The following CSNK1E variants were observed in gnomAD, a reference collection of about 807,000 sequenced individuals.
CSNK1E encodes casein kinase I isoform epsilon.
In CSNK1E, 17 loss-of-function variants were observed where a neutral mutation model predicts 46.1. That is an observed-to-expected ratio of 0.37 (90% confidence interval 0.25 to 0.55). The LOEUF (loss-of-function observed/expected upper bound fraction) is 0.55, where lower values mean the gene tolerates loss of function less well. Among genes scored for constraint, CSNK1E ranks in the 20% least tolerant of loss-of-function variants. The pLI is 0.82. For synonymous variants in CSNK1E, 241 were observed against 242.6 expected (o/e 0.99, Z 0.06); for missense variants, 386 against 595.4 (o/e 0.65, Z 3.66).
chr22:38,316,645 G>A (rs1052796686), intron 1 of CSNK1E: 1 of 152,178 alleles, frequency 6.6e-6, no homozygotes, highest in Non-Finnish European at 1.5e-5. Context: ...CAGTGGCCTG[G>A]TGACCACACA....
At chr22:38,307,050 G>A (rs1350699125) in intron 2 of CSNK1E, among the ~76,000 whole-genome samples, 1 of 151,436 alleles carries the variant, frequency 6.6e-6, no homozygotes, top group African/African-American at 2.4e-5. Context: ...ACGTGCCTGT[G>A]GTCCCAGCTA....
chr22:38,306,233 G>A (rs143218560), intron 2 of CSNK1E, among the ~76,000 whole-genome samples: 221 of 152,254 alleles, frequency 1.5e-3, no homozygotes, highest in African/African-American at 5.2e-3. Flanking sequence ...AAGAAACACT[G>A]AACAGAAACA....
At chr22:38,315,919 CCT>C (rs1337334821) in intron 1 of CSNK1E, among the ~76,000 whole-genome samples, 1 of 152,142 alleles carries the variant, frequency 6.6e-6, no homozygotes, top group African/African-American at 2.4e-5. Context: ...TTCAGGACCC[CCT>C]GACTGCTATG....
chr22:38,300,746 G>A lies in CSNK1E; in HGVS notation c.543C>T (p.Ser181=), dbSNP rs1030728465. 3.7e-6 allele frequency: 6 copies of A among 1,614,120 alleles called. No homozygotes were observed. In the Middle Eastern group the frequency reaches 6.6e-4, roughly 177 times the overall value. The change falls in exon 5 of 11, where the codon TCC becomes TCT. Residue 181 remains serine, a synonymous_variant. Coordinates refer to ENST00000396832, the MANE Select transcript of CSNK1E (RefSeq NM_152221.3). The surrounding 1 kb of genome is among the most constrained non-coding windows in gnomAD (Gnocchi z 4.4). ...CACCAATGCCCAGGTGCGTGTTGAT[G>A]GAAGCGTAGCGGGCCGTGCCGGTCA... ...KNLTGTARYA[S]INTHLGIEQS...
chr22:38,295,212 A>AATGGGGCC (rs2092633841), intron 7 of CSNK1E, among the ~76,000 whole-genome samples: 1 of 152,158 alleles, frequency 6.6e-6, no homozygotes, highest in South Asian at 2.1e-4. Flanking sequence ...TGGAGAAGAA[A>AATGGGGCC]ATGGGGCCAC....
Position 38,299,846 on chromosome 22 carries a change from C to T in CSNK1E, c.736+49G>A, listed in dbSNP as rs752963822. ...TGTATGGCCTCACCTTTCCCTTAGA[C>T]AGTGCCTCAGGGGCCCCCAGGCATG... is the stretch of plus-strand genomic sequence containing the variant. On this transcript the variant is annotated intron_variant, in intron 6 of 10. Transcript: ENST00000396832. 8 of 1,594,868 alleles carry T rather than the reference C, an allele frequency of 5.0e-6. No individual in the cohort carries two copies. In the African/African-American group the frequency reaches 9.4e-5, roughly 19 times the overall value.
In CSNK1E at chr22:38,317,153, T is replaced by G. The variant is rs2092751368; in HGVS notation, c.-13+7A>C. ...CTTCCGCGGGCCCGCGGCCCCCCGA[T>G]ATTTACCCCGCCGGGAAGGCGCCGA... is the stretch of plus-strand genomic sequence containing the variant. On this transcript the variant is annotated splice_region_variant and intron_variant, in intron 1 of 10. Transcript: ENST00000396832. The G allele has an allele frequency of 6.7e-6, 1 of 149,196 alleles. No homozygotes were observed. The highest frequency in any genetic ancestry group is 1.5e-5 in the Non-Finnish European group (1 of 66,926). 9.2% of individuals were successfully genotyped at this position (149,196 alleles called of 1,614,324 possible).
At position 38,294,091 on chromosome 22, in the gene CSNK1E, G is replaced by A; in HGVS notation, c.1218+18C>T. The A allele has an allele frequency of 1.9e-6, 3 of 1,605,904 alleles. No individual in the cohort carries two copies. Among genetic ancestry groups the A allele is most frequent in the Non-Finnish European group, 2.5e-6 (3 of 1,178,690 alleles). ...CTCAGTTCTGAGGCCCAGAGGGACT[G>A]GCAGGGGGGCAGCTCACCTGTGAGG... On this transcript the variant is annotated intron_variant, in intron 9 of 10. Transcript: ENST00000396832. This position sits in a 1 kb window ranked among gnomAD's most constrained non-coding sequence, Gnocchi z 5.5.
At chr22:38,316,673 C>G (rs2092747602) in intron 1 of CSNK1E, 1 of 152,220 alleles carries the variant, frequency 6.6e-6, no homozygotes, top group Admixed American at 6.5e-5. Flanking sequence ...ACCTTAGGAC[C>G]CCCAAACGCC....
At chr22:38,315,945 G>C (rs1181605623) in intron 1 of CSNK1E, among the ~76,000 whole-genome samples, 1 of 152,028 alleles carries the variant, frequency 6.6e-6, no homozygotes, top group African/African-American at 2.4e-5. Context: ...CAGCCACCCA[G>C]ACCCCCAGTC....
chr22:38,298,514 C>T lies in CSNK1E; in HGVS notation c.885+272G>A, dbSNP rs1275285573. Reference sequence around the variant, plus strand: ...CGCCAGCACCACCCATGCCCTGCTGCGGGCACCCAGGAGGGACCCCAGGTG... The same window carrying T: ...CGCCAGCACCACCCATGCCCTGCTGTGGGCACCCAGGAGGGACCCCAGGTG... On this transcript the variant is annotated intron_variant, in intron 7 of 10. Transcript: ENST00000396832. The surrounding 1 kb of genome is among the most constrained non-coding windows in gnomAD (Gnocchi z 4.2). 6.6e-6 allele frequency: 3 copies of T among 456,134 alleles called. No individual in the cohort carries two copies. Among genetic ancestry groups the T allele is most frequent in the South Asian group, 2.1e-5 (1 of 48,102 alleles). 28.3% of individuals were successfully genotyped at this position (456,134 alleles called of 1,614,324 possible). A position where few individuals can be genotyped will look rare whatever the true frequency, so the allele number is the denominator to read the frequency against.
intron 6 of CSNK1E, 126 bp from the exon 7 acceptor site, chr22:38,299,060 G>A: frequency 1.9e-6 from 2 of 1,075,038 alleles, no homozygotes; most frequent in Admixed American, 2.1e-5. Flanking sequence ...GGCAAGAAAA[G>A]GAGGCAACAG....
chr22:38,309,698 GCCCGCCTTGGTCTC>G lies in CSNK1E; in HGVS notation c.76+4370_76+4383del. Among the ~76,000 whole-genome samples the G allele has an allele frequency of 6.6e-6, 1 of 152,236 alleles. No individual in the cohort carries two copies. The highest frequency in any genetic ancestry group is 6.5e-5 in the Admixed American group (1 of 15,284). The stretch of plus-strand genomic sequence containing the variant: ...TCAAACTCCTGACCTCAAATGATCT[GCCCGCCTTGGTCTC>G]CCAAGTGCTGGGATTACAGGCGTGA... On this transcript the variant is annotated intron_variant, in intron 2 of 10. Transcript: ENST00000396832. This position sits in a 1 kb window ranked among gnomAD's most constrained non-coding sequence, Gnocchi z 4.8.
At position 38,298,595 on chromosome 22, in the gene CSNK1E, C is replaced by A; in HGVS notation, c.885+191G>T. ...CAGCGCCCTGCCTGGGCCCTGCTGC[C>A]CATGGTGGCACAAGCTGTCAGCACG... On this transcript the variant is annotated intron_variant, in intron 7 of 10. Transcript: ENST00000396832. The surrounding 1 kb of genome is among the most constrained non-coding windows in gnomAD (Gnocchi z 4.2). The A allele has an allele frequency of 3.1e-6, 2 of 651,384 alleles. No individual in the cohort carries two copies. The highest frequency in any genetic ancestry group is 5.6e-5 in the East Asian group (2 of 35,998). 40.4% of individuals were successfully genotyped at this position (651,384 alleles called of 1,614,324 possible). A position where few individuals can be genotyped will look rare whatever the true frequency, so the allele number is the denominator to read the frequency against.
At position 38,291,109 on chromosome 22, in the gene CSNK1E, G is replaced by A. The variant is rs2092606893; in HGVS notation, c.*862C>T. 6.6e-6 allele frequency: 1 copy of A among 152,212 alleles called. No homozygotes were observed. Among genetic ancestry groups the A allele is most frequent in the Admixed American group, 6.5e-5 (1 of 15,284 alleles). 9.4% of individuals were successfully genotyped at this position (152,212 alleles called of 1,614,324 possible). ...CAGAGCCAGATGCCTTCTGGAAGCA[G>A]TCTCCATGGATTCTGCCCTAAAACC... On this transcript the variant is annotated 3_prime_UTR_variant, in exon 11 of 11. Coordinates refer to ENST00000396832, the MANE Select transcript of CSNK1E (RefSeq NM_152221.3).
intron 2 of CSNK1E, among the ~76,000 whole-genome samples, chr22:38,310,573 C>T (rs2092716534): frequency 6.6e-6 from 1 of 152,174 alleles, no homozygotes; most frequent in Admixed American, 6.5e-5. Flanking sequence ...CAACACTGTT[C>T]GCCACCCCTT....
At chr22:38,315,654 ACC>A (rs144038868) in intron 1 of CSNK1E, among the ~76,000 whole-genome samples, 1 of 144,546 alleles carries the variant, frequency 6.9e-6, no homozygotes, top group Non-Finnish European at 1.5e-5. Context: ...TGTGCACGCA[ACC>A]CCCCCCCAAC....
chr22:38,316,116 TAAAC>T (rs1446033149), intron 1 of CSNK1E, among the ~76,000 whole-genome samples: 6 of 148,924 alleles, frequency 4.0e-5, no homozygotes, highest in Non-Finnish European at 6.0e-5. Flanking sequence ...GGGGGGGAGA[TAAAC>T]AAAGTGGGGG....
chr22:38,296,813 G>A, intron 7 of CSNK1E: 2 of 1,202,012 alleles, frequency 1.7e-6, no homozygotes, highest in Non-Finnish European at 2.3e-6. Flanking sequence ...TGCCGGATGT[G>A]GTGGCCACTG....
Sources: allele counts gnomAD v4.1 joint callset (sites outside exome capture counted in the v4.1 genomes callset), GRCh38; gene constraint gnomAD v4.1.1; non-coding constraint Gnocchi (gnomAD v3.1); transcripts MANE v1.5; gene names NCBI Gene and HGNC (gene_info 2026-07-23, HGNC 2026-07-21).